TENM3: variants seen among roughly 807,000 people sequenced by gnomAD.
The protein encoded by TENM3 is teneurin transmembrane protein 3, also known as teneurin-3.
TENM3 carries 63 observed loss-of-function variants against 255.1 expected under a neutral mutation model. That is an observed-to-expected ratio of 0.25 (90% confidence interval 0.20 to 0.30). The LOEUF is 0.30. Ranked by LOEUF, TENM3 falls within the 10% of genes least tolerant of loss-of-function variation. The pLI is 1.00. For missense variants in TENM3, 2,929 were observed against 3,461.1 expected, an observed-to-expected ratio of 0.85 and a Z score of 3.86; for synonymous variants, 1,306 against 1,322.3, an observed-to-expected ratio of 0.99 and a Z score of 0.27.
At chr4:181,746,405 A>T in the TENM3 span, among the ~76,000 whole-genome samples, 2 of 152,094 alleles carry the variant, frequency 1.3e-5, no homozygotes, top group African/African-American at 2.4e-5. Context: ...GTAAACCAGG[A>T]TAGAAAATCT....
chr4:181,647,247 T>C, the TENM3 span, among the ~76,000 whole-genome samples: 2 of 152,214 alleles, frequency 1.3e-5, no homozygotes, highest in African/African-American at 4.8e-5. Flanking sequence ...ACGTTGGATA[T>C]ATGTGTGTGA....
At chr4:182,495,043 T>C (rs1735649763) in intron 3 of TENM3, among the ~76,000 whole-genome samples, 1 of 152,148 alleles carries the variant, frequency 6.6e-6, no homozygotes, top group Admixed American at 6.5e-5. Context: ...GCCTGGCTCA[T>C]TGAAGGAAAC....
At chr4:181,578,027 C>G in the TENM3 span, among the ~76,000 whole-genome samples, 1 of 152,110 alleles carries the variant, frequency 6.6e-6, no homozygotes, top group African/African-American at 2.4e-5. Flanking sequence ...ACAGCCCCCA[C>G]GTCTACTTAC....
intron 23 of TENM3, among the ~76,000 whole-genome samples, chr4:182,774,208 A>G (rs1473739014): frequency 6.6e-6 from 1 of 152,190 alleles, no homozygotes; most frequent in African/African-American, 2.4e-5. Flanking sequence ...TGACATTTGT[A>G]ATTGTGAGTT....
At chr4:181,787,162 C>G in the TENM3 span, among the ~76,000 whole-genome samples, 2 of 152,142 alleles carry the variant, frequency 1.3e-5, no homozygotes, top group African/African-American at 2.4e-5. Flanking sequence ...TGTTCCACCC[C>G]CTCTGGTTTG....
At chr4:181,937,563 T>C in the TENM3 span, among the ~76,000 whole-genome samples, 1 of 152,136 alleles carries the variant, frequency 6.6e-6, no homozygotes, top group African/African-American at 2.4e-5. Flanking sequence ...AAAAGAGGAA[T>C]AAAGAACATG....
chr4:181,525,671 A>AT, the TENM3 span, among the ~76,000 whole-genome samples: 1 of 152,228 alleles, frequency 6.6e-6, no homozygotes, highest in South Asian at 2.1e-4. Context: ...TATAACTAGA[A>AT]TGTTTCTATT....
chr4:182,251,087 T>C (rs1411677571), intron 1 of TENM3, among the ~76,000 whole-genome samples: 1 of 152,132 alleles, frequency 6.6e-6, no homozygotes, highest in Non-Finnish European at 1.5e-5. Flanking sequence ...ATTTGAAGGG[T>C]TCGGGGCCTT....
chr4:182,295,182 T>C (rs1430129713), intron 1 of TENM3, among the ~76,000 whole-genome samples: 1 of 151,846 alleles, frequency 6.6e-6, no homozygotes, highest in African/African-American at 2.4e-5. Flanking sequence ...AAGTGATACG[T>C]ATTATTGATG....
the TENM3 span, among the ~76,000 whole-genome samples, chr4:181,582,754 G>A: frequency 2.0e-5 from 3 of 152,014 alleles, no homozygotes; most frequent in Non-Finnish European, 2.9e-5. Flanking sequence ...AGCAGCCCAG[G>A]GTCATGGAGC....
chr4:182,316,694 G>T (rs1274775101), intron 1 of TENM3, among the ~76,000 whole-genome samples: 3 of 147,684 alleles, frequency 2.0e-5, no homozygotes, highest in African/African-American at 4.9e-5. Flanking sequence ...CCCTCCAGTG[G>T]TCTCCTCACA....
chr4:182,553,489 C>A (rs1214428160), intron 3 of TENM3, among the ~76,000 whole-genome samples: 1 of 151,452 alleles, frequency 6.6e-6, no homozygotes, highest in South Asian at 2.1e-4. Flanking sequence ...TGTAACAAAT[C>A]TGCACGTTGT....
intron 3 of TENM3, 73 bp downstream of exon 3, chr4:182,347,002 G>GT: frequency 1.8e-6 from 2 of 1,121,428 alleles, no homozygotes; most frequent in South Asian, 1.9e-5. Flanking sequence ...CCGCGGGGGG[G>GT]GATGTTTTTC....
At chr4:181,699,780 G>T in the TENM3 span, among the ~76,000 whole-genome samples, 1 of 152,130 alleles carries the variant, frequency 6.6e-6, no homozygotes, top group Non-Finnish European at 1.5e-5. Context: ...AAAGAAAATT[G>T]GATATGCCCT....
the TENM3 span, among the ~76,000 whole-genome samples, chr4:181,496,494 A>G: frequency 6.7e-6 from 1 of 148,914 alleles, no homozygotes; most frequent in Non-Finnish European, 1.5e-5. Flanking sequence ...TATTTTTGTG[A>G]TAAAATAAAA....
At chr4:181,847,045 A>G in the TENM3 span, among the ~76,000 whole-genome samples, 2 of 152,320 alleles carry the variant, frequency 1.3e-5, no homozygotes, top group South Asian at 2.1e-4. Context: ...GGGGTTTGCA[A>G]TGACCTTACT....
intron 3 of TENM3, among the ~76,000 whole-genome samples, chr4:182,554,321 C>T (rs566607805): frequency 3.3e-5 from 5 of 152,176 alleles, no homozygotes; most frequent in Admixed American, 1.3e-4. Context: ...CAACTTTTGC[C>T]GAGTGATAAT....
chr4:182,424,381 A>G (rs910018586), intron 3 of TENM3, among the ~76,000 whole-genome samples: 7 of 152,296 alleles, frequency 4.6e-5, no homozygotes, highest in Non-Finnish European at 7.4e-5. Flanking sequence ...TCTTTCAGTT[A>G]AAGTCACTCT....
At chr4:181,974,741 C>T in the TENM3 span, among the ~76,000 whole-genome samples, 5 of 152,176 alleles carry the variant, frequency 3.3e-5, no homozygotes, top group Non-Finnish European at 7.3e-5. Flanking sequence ...GTGACAAACA[C>T]TGAGCAGAAC....
Sources: gnomAD v4.1 joint callset for allele counts (sites outside exome capture counted in the v4.1 genomes callset) on GRCh38, gnomAD v4.1.1 for gene constraint, MANE v1.5 for transcripts, NCBI Gene and HGNC (gene_info 2026-07-23, HGNC 2026-07-21) for gene names.